Variants in LARS2 observed in about 807,000 individuals in gnomAD.
LARS2 encodes the protein leucine--tRNA ligase, mitochondrial.
Under a neutral mutation model 116.6 loss-of-function variants are expected in LARS2, and 81 were observed. That is an observed-to-expected ratio of 0.69 (90% CI 0.58 to 0.84). The LOEUF (loss-of-function observed/expected upper bound fraction) is 0.84, where lower values mean the gene tolerates loss of function less well. Among genes scored for constraint, LARS2 ranks in the 40% least tolerant of loss-of-function variants. The probability of loss-of-function intolerance (pLI) is 0.00; values close to 1 mark genes in which losing one functional copy is unlikely to be tolerated. For synonymous variants in LARS2, 396 were observed against 407.2 expected, an observed-to-expected ratio of 0.97 and a Z score of 0.33; for missense variants, 968 against 1,114.5, an observed-to-expected ratio of 0.87 and a Z score of 1.87.
At chr3:45,518,551 A>G (rs1700406319) in intron 18 of LARS2, among the ~76,000 whole-genome samples, 1 of 152,162 alleles carries the variant, frequency 6.6e-6, no homozygotes, top group South Asian at 2.1e-4. Flanking sequence ...ATCTTGCCTA[A>G]CGTCACACGG....
At chr3:45,513,890 C>A (rs530088638) in intron 16 of LARS2, among the ~76,000 whole-genome samples, 1 of 152,130 alleles carries the variant, frequency 6.6e-6, no homozygotes, top group Admixed American at 6.5e-5. Context: ...CCAGCACACA[C>A]GTGGAATATA....
intron 14 of LARS2, among the ~76,000 whole-genome samples, chr3:45,497,734 C>G (rs182141629): frequency 6.6e-6 from 1 of 152,138 alleles, no homozygotes; most frequent in Non-Finnish European, 1.5e-5. Flanking sequence ...TGGCAAAACC[C>G]CAACTCTACC....
intron 10 of LARS2, 93 bp from the exon 11 acceptor site, chr3:45,485,598 TA>T (rs1699791878): frequency 3.0e-6 from 2 of 662,178 alleles, no homozygotes; most frequent in African/African-American, 1.8e-5. Context: ...ACAGAAGTTC[TA>T]GTGCTTACTT....
intron 13 of LARS2, among the ~76,000 whole-genome samples, chr3:45,492,300 T>G (rs1199080651): frequency 6.6e-6 from 1 of 152,194 alleles, no homozygotes; most frequent in African/African-American, 2.4e-5. Context: ...AGCACCATGG[T>G]TCCTTTCTCC....
intron 20 of LARS2, among the ~76,000 whole-genome samples, chr3:45,530,887 C>T (rs1208836213): frequency 6.6e-6 from 1 of 152,154 alleles, no homozygotes; most frequent in Non-Finnish European, 1.5e-5. Context: ...CAAAACTCTG[C>T]ATAATTTGTT....
chr3:45,517,983 G>A lies in LARS2; in HGVS notation c.2125G>A (p.Gly709Arg). 1 of 1,613,970 alleles carries A rather than the reference G, an allele frequency of 6.2e-7. No homozygotes were observed. The change falls in exon 18 of 22, where the codon GGG (glycine) becomes AGG (arginine). Residue 709 changes from glycine (G) to arginine (R), a missense_variant. By Grantham distance (125) the Gly-to-Arg change is moderately radical. Transcript: ENST00000645846. Reference protein sequence around the residue: ...TTRFIEARASGKSPQPQLLSN... With the variant: ...TTRFIEARASRKSPQPQLLSN... The stretch of plus-strand genomic sequence containing the variant: ...TCGGTTTATTGAGGCCAGGGCTTCT[G>A]GGAAGTCTCCCCAGCCTCAGCTGCT...
chr3:45,544,052 C>T (rs575494692), intron 21 of LARS2, among the ~76,000 whole-genome samples: 2 of 152,334 alleles, frequency 1.3e-5, no homozygotes, highest in East Asian at 1.9e-4. Context: ...GGGTCAGCAC[C>T]GTGCCAGCAG....
chr3:45,545,055 C>T (rs1700856668), intron 21 of LARS2, among the ~76,000 whole-genome samples: 1 of 152,176 alleles, frequency 6.6e-6, no homozygotes, highest in Non-Finnish European at 1.5e-5. Flanking sequence ...CAGGTCATCC[C>T]GTCTCTTCCA....
chr3:45,459,351 A>T (rs544856734), intron 8 of LARS2, among the ~76,000 whole-genome samples: 2 of 152,334 alleles, frequency 1.3e-5, no homozygotes, highest in East Asian at 3.9e-4. Flanking sequence ...TCTAGACTTC[A>T]CATGCTTAAA....
chr3:45,409,750 C>T (rs1488925437), intron 4 of LARS2, among the ~76,000 whole-genome samples: 1 of 152,138 alleles, frequency 6.6e-6, no homozygotes, highest in Non-Finnish European at 1.5e-5. Flanking sequence ...TATTCCAGTG[C>T]TCTGGCTCAT....
At chr3:45,391,075 A>G (rs1486854578) in intron 1 of LARS2, among the ~76,000 whole-genome samples, 2 of 152,132 alleles carry the variant, frequency 1.3e-5, no homozygotes, top group Admixed American at 6.5e-5. Context: ...TCTGTTCTTA[A>G]TGGTTTTGAT....
chr3:45,465,930 T>C (rs895348534), intron 8 of LARS2, among the ~76,000 whole-genome samples: 2 of 152,228 alleles, frequency 1.3e-5, no homozygotes, highest in Non-Finnish European at 2.9e-5. Flanking sequence ...AAGACAGGTA[T>C]GCTTGGTACA....
At chr3:45,524,961 T>C (rs1700512221) in intron 20 of LARS2, among the ~76,000 whole-genome samples, 1 of 152,184 alleles carries the variant, frequency 6.6e-6, no homozygotes, top group African/African-American at 2.4e-5. Flanking sequence ...AGGAAATAGG[T>C]GGAAATTACA....
intron 15 of LARS2, 118 bp downstream of exon 15, chr3:45,500,697 G>T: frequency 6.9e-6 from 5 of 723,852 alleles, no homozygotes; most frequent in Non-Finnish European, 1.1e-5. Context: ...TTTCTAGTAT[G>T]CTTTAGAGGT....
At position 45,394,672 on chromosome 3, in the gene LARS2, A is replaced by C; in HGVS notation, c.219A>C (p.Lys73Asn). 1.2e-6 allele frequency: 2 copies of C among 1,612,244 alleles called. No homozygotes were observed. Among genetic ancestry groups the C allele is most frequent in the Non-Finnish European group, 1.7e-6 (2 of 1,178,312 alleles). ...WHQRIKEQAS[K>N]ISEADKSKPK... ...AACGAATAAAAGAACAGGCCTCCAA[A>C]ATTTCAGAAGCTGATGTGAGTATTC... The change falls in exon 3 of 22, where the codon AAA (lysine) becomes AAC (asparagine). Residue 73 changes from lysine (K) to asparagine (N), a missense_variant. Physicochemically the swap from Lys to Asn is moderately conservative, Grantham distance 94. Transcript: ENST00000645846.
chr3:45,540,893 C>T (rs1700785285), intron 20 of LARS2, among the ~76,000 whole-genome samples: 1 of 152,110 alleles, frequency 6.6e-6, no homozygotes, highest in South Asian at 2.1e-4. Context: ...TCAAGCAGTC[C>T]TCCTGCCTCA....
intron 4 of LARS2, among the ~76,000 whole-genome samples, chr3:45,402,091 A>G (rs753466244): frequency 2.0e-5 from 3 of 152,328 alleles, no homozygotes; most frequent in Middle Eastern, 3.4e-3. Context: ...TAATACTTAC[A>G]AGCTGTGTGG....
At chr3:45,413,374 T>G (rs957954139) in intron 4 of LARS2, among the ~76,000 whole-genome samples, 1 of 152,232 alleles carries the variant, frequency 6.6e-6, no homozygotes, top group African/African-American at 2.4e-5. Context: ...CAGCAGCAAG[T>G]GCTGCCATTT....
rs747193884 is a variant in LARS2 at position 45,523,456 on chromosome 3, TAAG to T, written c.2293-538_2293-536del. 1.1e-4 allele frequency among the ~76,000 whole-genome samples: 17 copies of T among 151,990 alleles called. No homozygotes were observed. In the East Asian group the frequency reaches 2.5e-3, roughly 22 times the overall value. ...TAGCTGCTTCATCTGTCCAATGGGG[TAAG>T]AATACCACCCTCAAAGAGTGGTGAG... On this transcript the variant is annotated intron_variant, in intron 19 of 21. Coordinates refer to ENST00000645846, the MANE Select transcript of LARS2 (RefSeq NM_015340.4).
Sources: gnomAD v4.1 joint callset for allele counts (sites outside exome capture counted in the v4.1 genomes callset) on GRCh38, gnomAD v4.1.1 for gene constraint, MANE v1.5 for transcripts, NCBI Gene and HGNC (gene_info 2026-07-23, HGNC 2026-07-21) for gene names.